Variants in FBXO42 observed in about 807,000 individuals in gnomAD.
The protein encoded by FBXO42 is F-box protein 42, also known as F-box only protein 42.
FBXO42 carries 12 observed loss-of-function variants against 71.7 expected under a neutral mutation model. The ratio of observed to expected loss-of-function variants is 0.17; its 90% CI spans 0.11 to 0.27. FBXO42 has a LOEUF of 0.27. Among genes scored for constraint, FBXO42 ranks in the 10% least tolerant of loss-of-function variants. The pLI, the probability that FBXO42 is intolerant of heterozygous loss-of-function variation, is 1.00. For missense variants in FBXO42, 707 were observed against 911.9 expected (o/e 0.78, Z 2.89); for synonymous variants, 325 against 327.5 (o/e 0.99, Z 0.08).
intron 1 of FBXO42, among the ~76,000 whole-genome samples, chr1:16,338,354 CA>C (rs55865669): frequency 0.48 from 52,038 of 108,070 alleles, 10,475 homozygotes; most frequent in Middle Eastern, 0.55. Context: ...GCCCTATCTC[CA>C]AAAAAAAAAA....
At chr1:16,346,949 T>C (rs1314808997) in intron 1 of FBXO42, among the ~76,000 whole-genome samples, 4 of 151,212 alleles carry the variant, frequency 2.6e-5, no homozygotes, top group African/African-American at 9.7e-5. Context: ...TTCACCATGT[T>C]GGCCAAGCTG....
chr1:16,328,727 T>G (rs2082471262), intron 1 of FBXO42, among the ~76,000 whole-genome samples: 1 of 152,190 alleles, frequency 6.6e-6, no homozygotes, highest in Non-Finnish European at 1.5e-5. Flanking sequence ...AGAAGTTCTT[T>G]CTAATACCGT....
chr1:16,300,560 T>C (rs1569883502), intron 3 of FBXO42, among the ~76,000 whole-genome samples: 1 of 152,272 alleles, frequency 6.6e-6, no homozygotes, highest in Admixed American at 6.5e-5. Flanking sequence ...CAGGGAAAGA[T>C]CCTGAGGCAT....
At chr1:16,319,171 C>T (rs1422708290) in intron 1 of FBXO42, among the ~76,000 whole-genome samples, 1 of 151,946 alleles carries the variant, frequency 6.6e-6, no homozygotes, top group African/African-American at 2.4e-5. Context: ...GGGAAGGAAA[C>T]GAAGAGTAAT....
chr1:16,252,369 A>G lies in FBXO42; in HGVS notation c.957T>C (p.Ser319=). ...TGAGTGGCTGCCAGGCCCAAGGACC[A>G]GAATGCATGTGCAACAACCAAGCAT... is the stretch of plus-strand genomic sequence containing the variant. ...FKDAWLLHMH[S]GPWAWQPLKV... is the part of the protein sequence containing the mutation. The change falls in exon 9 of 10, where the codon TCT becomes TCC. Residue 319 remains serine, a synonymous_variant. Transcript: ENST00000375592. This position sits in a 1 kb window ranked among gnomAD's most constrained non-coding sequence, Gnocchi z 4.4. The G allele has an allele frequency of 6.2e-7, 1 of 1,614,210 alleles. No individual in the cohort carries two copies. The highest frequency in any genetic ancestry group is 8.5e-7 in the Non-Finnish European group (1 of 1,180,034).
At chr1:16,309,145 G>A (rs2082286699) in intron 2 of FBXO42, among the ~76,000 whole-genome samples, 1 of 127,634 alleles carries the variant, frequency 7.8e-6, no homozygotes, top group South Asian at 2.6e-4. Flanking sequence ...TTGGCTTACT[G>A]CAACCTCCAA....
chr1:16,322,153 T>C (rs2082414058), intron 1 of FBXO42, among the ~76,000 whole-genome samples: 1 of 152,202 alleles, frequency 6.6e-6, no homozygotes, highest in Non-Finnish European at 1.5e-5. Context: ...AAATATTTTA[T>C]TGGTCAGAAT....
At chr1:16,352,018 A>G (rs1428058029) in intron 1 of FBXO42, among the ~76,000 whole-genome samples, 2 of 152,116 alleles carry the variant, frequency 1.3e-5, no homozygotes, top group African/African-American at 4.8e-5. Flanking sequence ...CACCCTGCTG[A>G]GGAGAGGGGG....
chr1:16,298,756 C>T (rs1342974195), intron 3 of FBXO42, among the ~76,000 whole-genome samples: 1 of 152,050 alleles, frequency 6.6e-6, no homozygotes, highest in African/African-American at 2.4e-5. Flanking sequence ...GTGATCCGCT[C>T]GCCTCGGCCT....
intron 4 of FBXO42, among the ~76,000 whole-genome samples, chr1:16,287,060 A>G (rs1392595106): frequency 6.6e-6 from 1 of 152,212 alleles, no homozygotes; most frequent in Non-Finnish European, 1.5e-5. Context: ...CTATTCAGTG[A>G]ATATGACAAT....
rs529465546 is a variant in FBXO42, at chr1:16,321,452, T to C, written c.-17-6017A>G. 9.8e-5 allele frequency among the ~76,000 whole-genome samples: 15 copies of C among 152,332 alleles called. No individual in the cohort carries two copies. The South Asian group carries it at 1.0e-3, about 11-fold the overall frequency. Reference sequence around the variant, plus strand: ...CCTACAAACTTTTCACACGTAAGCATACTAACTCAATGAATGTAATTTTCA... The same window carrying C: ...CCTACAAACTTTTCACACGTAAGCACACTAACTCAATGAATGTAATTTTCA... On this transcript the variant is annotated intron_variant, in intron 1 of 9. Coordinates refer to ENST00000375592, the MANE Select transcript of FBXO42 (RefSeq NM_018994.3).
chr1:16,330,372 A>T (rs35935115), intron 1 of FBXO42, among the ~76,000 whole-genome samples: 2,198 of 152,090 alleles, frequency 0.014, 26 homozygotes, highest in Non-Finnish European at 0.024. Flanking sequence ...AAAAATTTAA[A>T]AATTAGCTGG....
intron 3 of FBXO42, among the ~76,000 whole-genome samples, chr1:16,298,570 C>T (rs1448140922): frequency 6.6e-6 from 1 of 151,234 alleles, no homozygotes; most frequent in East Asian, 2.0e-4. Context: ...AGTGCAGTGG[C>T]ACAATCTTGG....
At chr1:16,310,022 C>T (rs571915056) in intron 2 of FBXO42, among the ~76,000 whole-genome samples, 6 of 151,922 alleles carry the variant, frequency 3.9e-5, no homozygotes, top group African/African-American at 1.4e-4. Flanking sequence ...AGTGAAACCC[C>T]GTCTCTACTA....
At chr1:16,328,670 T>C (rs1334198153) in intron 1 of FBXO42, among the ~76,000 whole-genome samples, 2 of 152,160 alleles carry the variant, frequency 1.3e-5, no homozygotes, top group Admixed American at 1.3e-4. Flanking sequence ...TACCACCTTG[T>C]TCTGTTAACT....
intron 4 of FBXO42, among the ~76,000 whole-genome samples, chr1:16,274,588 G>GTTTT (rs533547281): frequency 4.9e-4 from 26 of 53,498 alleles, no homozygotes; most frequent in East Asian, 1.6e-3. Flanking sequence ...TTATGCCCCC[G>GTTTT]TTTTTTTTTT....
intron 6 of FBXO42, among the ~76,000 whole-genome samples, chr1:16,254,299 C>T (rs900680408): frequency 6.6e-6 from 1 of 152,188 alleles, no homozygotes; most frequent in Non-Finnish European, 1.5e-5. Flanking sequence ...ACTGGTTAAG[C>T]TACAGTTTTC....
intron 4 of FBXO42, among the ~76,000 whole-genome samples, chr1:16,273,955 G>A (rs944247468): frequency 4.6e-5 from 7 of 152,142 alleles, no homozygotes; most frequent in African/African-American, 1.7e-4. Flanking sequence ...ACTGACAGAT[G>A]CAACCACATA....
chr1:16,285,002 C>A (rs566023545), intron 4 of FBXO42, among the ~76,000 whole-genome samples: 2 of 117,634 alleles, frequency 1.7e-5, no homozygotes, highest in East Asian at 2.3e-4. Context: ...TAAAGTTAGC[C>A]GGGCGTGGTG....
Sources: allele counts gnomAD v4.1 joint callset (sites outside exome capture counted in the v4.1 genomes callset), GRCh38; gene constraint gnomAD v4.1.1; non-coding constraint Gnocchi (gnomAD v3.1); transcripts MANE v1.5; gene names NCBI Gene and HGNC (gene_info 2026-07-23, HGNC 2026-07-21).